The following TFG variants were observed in gnomAD, a reference collection of about 807,000 sequenced individuals.
TFG encodes trafficking from ER to golgi regulator, also known as protein TFG.
A neutral mutation model predicts 51.4 loss-of-function variants in TFG; 22 were observed. The observed-to-expected ratio is 0.43, with a 90% CI of 0.31 to 0.61. The LOEUF (loss-of-function observed/expected upper bound fraction) is 0.61, where lower values mean the gene tolerates loss of function less well. TFG is among the 20% of genes least tolerant of loss of function. TFG has a pLI of 0.12. For synonymous variants in TFG, 187 were observed against 165.6 expected (o/e 1.13, Z -0.99); for missense variants, 419 against 487.7 (o/e 0.86, Z 1.33).
chr3:100,729,147 T>G (rs2095084428), intron 4 of TFG, among the ~76,000 whole-genome samples: 1 of 152,228 alleles, frequency 6.6e-6, no homozygotes, highest in Admixed American at 6.5e-5. Flanking sequence ...GCAACTAGTC[T>G]TAGACTTTTG....
intron 2 of TFG, among the ~76,000 whole-genome samples, chr3:100,718,319 A>G (rs1025908227): frequency 5.3e-5 from 8 of 152,170 alleles, no homozygotes; most frequent in African/African-American, 1.7e-4. Context: ...TTTAGGGCAA[A>G]GGTCAGCAAA....
intron 4 of TFG, among the ~76,000 whole-genome samples, chr3:100,729,289 C>A (rs752362534): frequency 6.6e-6 from 1 of 152,020 alleles, no homozygotes; most frequent in Non-Finnish European, 1.5e-5. Context: ...GTATTTTCAA[C>A]TAAAAATCAC....
At chr3:100,718,284 TTGAC>T (rs1326364813) in intron 2 of TFG, among the ~76,000 whole-genome samples, 1 of 152,232 alleles carries the variant, frequency 6.6e-6, no homozygotes, top group Non-Finnish European at 1.5e-5. Flanking sequence ...ACTGACCTCA[TTGAC>T]TGGCTTTCTC....
At position 100,736,658 on chromosome 3, in the gene TFG, C is replaced by A. The variant is rs140669729; in HGVS notation, c.663C>A (p.Gly221=). Residue 221 remains glycine, a synonymous_variant, in exon 6 of 8, where the codon GGC becomes GGA. Coordinates refer to ENST00000240851, the MANE Select transcript of TFG (RefSeq NM_006070.6). Reference sequence around the variant, plus strand: ...CCTCCTCAGCAGCTCACCCACCAGGCGTTCAGCCACAGCAGCCACCATATA... The same window carrying A: ...CCTCCTCAGCAGCTCACCCACCAGGAGTTCAGCCACAGCAGCCACCATATA... ...ASSSSAAHPP[G]VQPQQPPYTG... The A allele has an allele frequency of 1.2e-3, 1,985 of 1,613,918 alleles. 20 individuals carry two copies. In the African/African-American group the frequency reaches 0.023, roughly 18 times the overall value.
intron 4 of TFG, among the ~76,000 whole-genome samples, chr3:100,730,380 G>A (rs756879809): frequency 6.6e-6 from 1 of 152,092 alleles, no homozygotes; most frequent in African/African-American, 2.4e-5. Context: ...CTATGTTAAT[G>A]TAAAAGGTGT....
chr3:100,727,007 TAGCC>T (rs2095077802), intron 3 of TFG, among the ~76,000 whole-genome samples: 1 of 152,238 alleles, frequency 6.6e-6, no homozygotes, highest in Non-Finnish European at 1.5e-5. Context: ...TTACTCATAT[TAGCC>T]AGGATAAAAG....
At chr3:100,728,645 G>T in intron 3 of TFG, 67 bp from the exon 4 acceptor site, 6 of 1,211,630 alleles carry the variant, frequency 5.0e-6, no homozygotes, top group South Asian at 4.3e-5. Flanking sequence ...ATTTTTCCTT[G>T]TTGCATATTA....
At chr3:100,740,353 G>A (rs2095118025) in intron 6 of TFG, among the ~76,000 whole-genome samples, 1 of 152,136 alleles carries the variant, frequency 6.6e-6, no homozygotes, top group African/African-American at 2.4e-5. Flanking sequence ...ACCAGAGCTG[G>A]AGGATTCAGT....
chr3:100,718,434 C>A (rs545495293), intron 2 of TFG, among the ~76,000 whole-genome samples: 4 of 152,122 alleles, frequency 2.6e-5, no homozygotes. Flanking sequence ...TTTTCATTCA[C>A]AGACCTATAA....
At chr3:100,723,902 CA>C (rs2095067726) in intron 3 of TFG, among the ~76,000 whole-genome samples, 1 of 151,848 alleles carries the variant, frequency 6.6e-6, no homozygotes, top group African/African-American at 2.4e-5. Flanking sequence ...CAGAAAATCC[CA>C]AAATGTAACA....
chr3:100,744,730 C>T, intron 6 of TFG, 103 bp from the exon 7 acceptor site: 1 of 692,602 alleles, frequency 1.4e-6, no homozygotes, highest in African/African-American at 1.8e-5. Context: ...TATATTGTTA[C>T]TCTGTTTGGA....
intron 1 of TFG, among the ~76,000 whole-genome samples, chr3:100,712,231 G>A (rs763727259): frequency 1.2e-4 from 18 of 152,066 alleles, no homozygotes; most frequent in Non-Finnish European, 2.5e-4. Context: ...GAATAGTAGG[G>A]CATTAATATA....
chr3:100,721,907 T>G (rs977327650), intron 3 of TFG, among the ~76,000 whole-genome samples: 2 of 152,206 alleles, frequency 1.3e-5, no homozygotes, highest in African/African-American at 4.8e-5. Context: ...TTCCAGCACT[T>G]TGGGAGGCCA....
intron 1 of TFG, chr3:100,711,018 T>G (rs1435675536): frequency 2.0e-5 from 3 of 152,206 alleles, no homozygotes; most frequent in Non-Finnish European, 4.4e-5. Flanking sequence ...CACTGGTTCC[T>G]GGCCACAAGA....
intron 2 of TFG, among the ~76,000 whole-genome samples, chr3:100,715,796 T>C (rs13319530): frequency 0.03 from 4,492 of 151,826 alleles, 184 homozygotes; most frequent in African/African-American, 0.092. Flanking sequence ...TTATAGCTCA[T>C]CATAACCTTT....
rs765777802 is a variant in TFG, at chr3:100,713,662, A to G, written c.-24A>G. The G allele has an allele frequency of 5.6e-5, 86 of 1,549,228 alleles. No homozygotes were observed. The East Asian group carries it at 1.8e-3, about 32-fold the overall frequency. Reference sequence around the variant, plus strand: ...TATCAGTCTTTCTCTAGAGTTGTATATATAGAACATCCTGGAGTCCACCAT... The same window carrying G: ...TATCAGTCTTTCTCTAGAGTTGTATGTATAGAACATCCTGGAGTCCACCAT... On this transcript the variant is annotated 5_prime_UTR_variant, in exon 2 of 8. In the 5' UTR this introduces an upstream ATG that the reference lacks. Coordinates refer to ENST00000240851, the MANE Select transcript of TFG (RefSeq NM_006070.6).
chr3:100,729,653 T>C (rs570099131), intron 4 of TFG, among the ~76,000 whole-genome samples: 11 of 152,272 alleles, frequency 7.2e-5, no homozygotes, highest in African/African-American at 2.6e-4. Flanking sequence ...ACTGTCCATA[T>C]TGTGAAATAG....
intron 4 of TFG, among the ~76,000 whole-genome samples, chr3:100,732,157 G>T (rs2095093305): frequency 6.6e-6 from 1 of 151,954 alleles, no homozygotes; most frequent in Admixed American, 6.6e-5. Context: ...GTGGGTATCT[G>T]ATACTAGGAT....
chr3:100,739,991 C>T (rs1328629860), intron 6 of TFG, among the ~76,000 whole-genome samples: 2 of 152,046 alleles, frequency 1.3e-5, no homozygotes, highest in African/African-American at 4.8e-5. Flanking sequence ...GTTTGAATTT[C>T]CCTAATTGTT....
Sources: allele counts gnomAD v4.1 joint callset (sites outside exome capture counted in the v4.1 genomes callset), GRCh38; gene constraint gnomAD v4.1.1; transcripts MANE v1.5; gene names NCBI Gene and HGNC (gene_info 2026-07-23, HGNC 2026-07-21).